Variants in ARHGEF10L observed in about 807,000 individuals in gnomAD.
ARHGEF10L encodes the protein rho guanine nucleotide exchange factor 10-like protein.
ARHGEF10L carries 69 observed loss-of-function variants against 141.2 expected under a neutral mutation model. The ratio of observed to expected loss-of-function variants is 0.49; its 90% CI spans 0.40 to 0.60. ARHGEF10L has a LOEUF of 0.60. Among genes scored for constraint, ARHGEF10L ranks in the 20% least tolerant of loss-of-function variants. The probability of loss-of-function intolerance (pLI) is 0.00; values close to 1 mark genes in which losing one functional copy is unlikely to be tolerated. For synonymous variants in ARHGEF10L, 711 were observed against 718.5 expected, an observed-to-expected ratio of 0.99 and a Z score of 0.17; for missense variants, 1,482 against 1,734.3, an observed-to-expected ratio of 0.85 and a Z score of 2.58.
intron 26 of ARHGEF10L, among the ~76,000 whole-genome samples, chr1:17,674,561 C>T (rs890674509): frequency 6.6e-6 from 1 of 152,100 alleles, no homozygotes; most frequent in Non-Finnish European, 1.5e-5. Context: ...GGAGTGAGAG[C>T]GGGGTGGGCC....
At chr1:17,695,369 C>T (rs1463028556) in intron 28 of ARHGEF10L, 89 bp downstream of exon 28, 2 of 1,491,850 alleles carry the variant, frequency 1.3e-6, no homozygotes. Context: ...ATTATGCCCT[C>T]ATTGGTATAG....
At chr1:17,668,839 G>T (rs1193260394) in intron 26 of ARHGEF10L, among the ~76,000 whole-genome samples, 1 of 152,220 alleles carries the variant, frequency 6.6e-6, no homozygotes, top group East Asian at 1.9e-4. Flanking sequence ...TTGGAATACA[G>T]GGGAAGCCGG....
chr1:17,528,819 T>C, the ARHGEF10L span, among the ~76,000 whole-genome samples: 1 of 152,168 alleles, frequency 6.6e-6, no homozygotes, highest in South Asian at 2.1e-4. Context: ...TGCTTATCAG[T>C]GTGCTCATCT....
At chr1:17,677,301 C>G (rs1031797739) in intron 26 of ARHGEF10L, among the ~76,000 whole-genome samples, 1 of 152,250 alleles carries the variant, frequency 6.6e-6, no homozygotes, top group Non-Finnish European at 1.5e-5. Context: ...CACCTGCACC[C>G]TCGTGCACGC....
In ARHGEF10L at chr1:17,623,239, G is replaced by A; in HGVS notation, c.1200+64G>A. 4 of 1,560,404 alleles carry A rather than the reference G, an allele frequency of 2.6e-6. No homozygotes were observed. The South Asian group carries it at 4.8e-5, about 19-fold the overall frequency. Reference sequence around the variant, plus strand: ...AAAACCACAACCAGTCTGACCCCGGGGCCATGCAGTCCAGCCTCCTGCCTC... The same window carrying A: ...AAAACCACAACCAGTCTGACCCCGGAGCCATGCAGTCCAGCCTCCTGCCTC... On this transcript the variant is annotated intron_variant, in intron 12 of 28. Transcript: ENST00000361221. The surrounding 1 kb of genome is among the most constrained non-coding windows in gnomAD (Gnocchi z 4.7).
Position 17,697,277 on chromosome 1 carries a change from G to T in ARHGEF10L, c.3737G>T (p.Gly1246Val). Residue 1246 changes from glycine (G) to valine (V), a missense_variant, in exon 29 of 29, where the codon GGC (glycine) becomes GTC (valine). Physicochemically the swap from Gly to Val is moderately radical, Grantham distance 109. This residue lies in a region of ARHGEF10L where 858 missense variants were observed against 966.3 expected (regional missense o/e 0.89). Coordinates refer to ENST00000361221, the MANE Select transcript of ARHGEF10L (RefSeq NM_018125.4). This position sits in a 1 kb window ranked among gnomAD's most constrained non-coding sequence, Gnocchi z 4.8. ...CSVAIISGGQ[G>V]YRNFGSALGS... ...GTGGCCATCATCTCCGGCGGGCAGG[G>T]CTACCGCAACTTTGGCAGCGCTCTG... The T allele has an allele frequency of 6.2e-7, 1 of 1,612,754 alleles. No homozygotes were observed. Among genetic ancestry groups the T allele is most frequent in the Non-Finnish European group, 8.5e-7 (1 of 1,179,834 alleles).
At chr1:17,590,621 A>G (rs532267054) in intron 4 of ARHGEF10L, among the ~76,000 whole-genome samples, 1 of 152,260 alleles carries the variant, frequency 6.6e-6, no homozygotes, top group African/African-American at 2.4e-5. Flanking sequence ...AGTGCCAAAG[A>G]CGTCCTTGGT....
chr1:17,552,582 T>TG (rs1557697623), intron 1 of ARHGEF10L, among the ~76,000 whole-genome samples: 6 of 112,868 alleles, frequency 5.3e-5, no homozygotes, highest in East Asian at 4.5e-4. Flanking sequence ...TTTTTTTTTT[T>TG]TTTTTTTTTT....
chr1:17,637,360 C>T (rs543980518), intron 18 of ARHGEF10L, among the ~76,000 whole-genome samples: 1 of 152,330 alleles, frequency 6.6e-6, no homozygotes, highest in Non-Finnish European at 1.5e-5. Context: ...TGCTCTTGGT[C>T]TTGTGGTCTC....
chr1:17,681,722 G>A (rs988378832), intron 26 of ARHGEF10L, among the ~76,000 whole-genome samples: 1 of 152,176 alleles, frequency 6.6e-6, no homozygotes, highest in African/African-American at 2.4e-5. Flanking sequence ...GGTAGCGTCG[G>A]CTGGATCTCT....
chr1:17,693,601 C>T (rs1374224300), intron 27 of ARHGEF10L, among the ~76,000 whole-genome samples: 1 of 152,156 alleles, frequency 6.6e-6, no homozygotes, highest in African/African-American at 2.4e-5. Flanking sequence ...CTCAACTCCA[C>T]CCCACCCTGC....
intron 15 of ARHGEF10L, among the ~76,000 whole-genome samples, chr1:17,629,455 G>A (rs539194549): frequency 1.6e-3 from 240 of 152,298 alleles, no homozygotes; most frequent in Non-Finnish European, 2.9e-3. Flanking sequence ...ACCTTCCCAC[G>A]TGGCACCAGC....
intron 25 of ARHGEF10L, among the ~76,000 whole-genome samples, chr1:17,663,267 C>T (rs990508573): frequency 1.3e-5 from 2 of 152,116 alleles, no homozygotes; most frequent in Admixed American, 6.5e-5. Context: ...AGAACATCCT[C>T]TGGATCAGGC....
chr1:17,689,665 C>T (rs1303422664), intron 27 of ARHGEF10L: 1 of 395,596 alleles, frequency 2.5e-6, no homozygotes, highest in Non-Finnish European at 4.9e-6. Context: ...AGCCATTATA[C>T]AGGTTCAATC....
At position 17,687,729 on chromosome 1, in the gene ARHGEF10L, A is replaced by T; in HGVS notation, c.3166A>T (p.Thr1056Ser). The change falls in exon 27 of 29, where the codon ACC (threonine) becomes TCC (serine). Residue 1056 changes from threonine (T) to serine (S), a missense_variant. Physicochemically the swap from Thr to Ser is moderately conservative, Grantham distance 58. This residue lies in a region of ARHGEF10L where 858 missense variants were observed against 966.3 expected (regional missense o/e 0.89). Coordinates refer to ENST00000361221, the MANE Select transcript of ARHGEF10L (RefSeq NM_018125.4). The part of the protein sequence containing the change: ...HLQEINIATR[T>S]TFLLPGQKHL... ...GCAAGAGATCAACATCGCCACCAGG[A>T]CCACCTTCCTCCTGCCAGGTGAGGC... 1 of 1,587,844 alleles carries T rather than the reference A, an allele frequency of 6.3e-7. No individual in the cohort carries two copies. The highest frequency in any genetic ancestry group is 8.6e-7 in the Non-Finnish European group (1 of 1,165,484).
chr1:17,513,560 G>A, the ARHGEF10L span, among the ~76,000 whole-genome samples: 1 of 152,218 alleles, frequency 6.6e-6, no homozygotes, highest in Non-Finnish European at 1.5e-5. Context: ...ACAAGGACAA[G>A]TGGAAACAAA....
At chr1:17,543,239 T>C (rs1168100820) in intron 1 of ARHGEF10L, among the ~76,000 whole-genome samples, 1 of 152,150 alleles carries the variant, frequency 6.6e-6, no homozygotes, top group Non-Finnish European at 1.5e-5. Flanking sequence ...TAAGAGCTGA[T>C]TGCTAAATTT....
chr1:17,649,195 A>G (rs2061769667), intron 22 of ARHGEF10L, among the ~76,000 whole-genome samples: 1 of 152,258 alleles, frequency 6.6e-6, no homozygotes, highest in African/African-American at 2.4e-5. Flanking sequence ...TTCACAGATA[A>G]GGAAACTAAG....
At chr1:17,568,926 T>A (rs2077877606) in intron 1 of ARHGEF10L, among the ~76,000 whole-genome samples, 1 of 152,116 alleles carries the variant, frequency 6.6e-6, no homozygotes, top group African/African-American at 2.4e-5. Context: ...GTCTTCCCTG[T>A]CCCCTTCCCA....
Sources: gnomAD v4.1 joint callset for allele counts (sites outside exome capture counted in the v4.1 genomes callset) on GRCh38, gnomAD v4.1.1 for gene constraint, gnomAD v4.1.1 regional missense constraint, Gnocchi (gnomAD v3.1) non-coding constraint, MANE v1.5 for transcripts, NCBI Gene and HGNC (gene_info 2026-07-23, HGNC 2026-07-21) for gene names.